The following TBC1D10A variants were observed in gnomAD, a reference collection of about 807,000 sequenced individuals.
TBC1D10A encodes TBC1 domain family member 10A, also known as EBP50-PDX interactor of 64 kDa.
A neutral mutation model predicts 52.9 loss-of-function variants in TBC1D10A; 24 were observed. That is an observed-to-expected ratio of 0.45 (90% CI 0.33 to 0.64). The LOEUF is 0.64. Among genes scored for constraint, TBC1D10A ranks in the 30% least tolerant of loss-of-function variants. TBC1D10A has a pLI of 0.02. For missense variants in TBC1D10A, 602 were observed against 687.9 expected (o/e 0.88, Z 1.40); for synonymous variants, 278 against 282.9 (o/e 0.98, Z 0.17).
Position 30,292,096 on chromosome 22 carries a change from C to T in TBC1D10A, c.*279G>A. 1 of 394,146 alleles carries T rather than the reference C, an allele frequency of 2.5e-6. No individual in the cohort carries two copies. The highest frequency in any genetic ancestry group is 7.4e-5 in the South Asian group (1 of 13,486). The allele number at this position is 394,146 out of a possible 1,614,324, so 24.4% of individuals were successfully genotyped here. A position where few individuals can be genotyped will look rare whatever the true frequency, so the allele number is the denominator to read the frequency against. On this transcript the variant is annotated 3_prime_UTR_variant, in exon 9 of 9. Coordinates refer to ENST00000215790, the MANE Select transcript of TBC1D10A (RefSeq NM_031937.3). ...CAGCACCCTAACCCTGGGGAGCATCCCCCAGGAGGAGGGGGCTGAAGGAGG... is the reference window on the plus strand; with the variant it reads ...CAGCACCCTAACCCTGGGGAGCATCTCCCAGGAGGAGGGGGCTGAAGGAGG...
chr22:30,292,367 T>C lies in TBC1D10A; in HGVS notation c.*8A>G, dbSNP rs1929961441. ...GAGACCCCGCCCTGGAGGCCTTAGC[T>C]GCCAGGGTTACAAGTAGGTGTCCTC... is the stretch of plus-strand genomic sequence containing the variant. On this transcript the variant is annotated 3_prime_UTR_variant, in exon 9 of 9. Coordinates refer to ENST00000215790, the MANE Select transcript of TBC1D10A (RefSeq NM_031937.3). 1 of 1,528,238 alleles carries C rather than the reference T, an allele frequency of 6.5e-7. No homozygotes were observed. Among genetic ancestry groups the C allele is most frequent in the Non-Finnish European group, 8.8e-7 (1 of 1,137,454 alleles). 94.7% of individuals were successfully genotyped at this position (1,528,238 alleles called of 1,614,324 possible). A position where few individuals can be genotyped will look rare whatever the true frequency, so the allele number is the denominator to read the frequency against.
At chr22:30,306,548 A>C (rs550942825) in intron 1 of TBC1D10A, among the ~76,000 whole-genome samples, 3 of 152,212 alleles carry the variant, frequency 2.0e-5, no homozygotes, top group African/African-American at 7.2e-5. Context: ...ACAAACTACC[A>C]TATTTCCTGG....
At chr22:30,294,268 A>C (rs1930025614) in intron 6 of TBC1D10A, among the ~76,000 whole-genome samples, 158 bp from the exon 7 acceptor site, 1 of 152,156 alleles carries the variant, frequency 6.6e-6, no homozygotes, top group Non-Finnish European at 1.5e-5. Context: ...AATGATGAGC[A>C]AAGCGGAGCC....
At position 30,326,904 on chromosome 22, in the gene TBC1D10A, G is replaced by A. The variant is rs780736644; in HGVS notation, c.-23C>T. On this transcript the variant is annotated 5_prime_UTR_variant, in exon 1 of 9. Coordinates refer to ENST00000215790, the MANE Select transcript of TBC1D10A (RefSeq NM_031937.3). ...CATCCCAGCCGCGCCCGCCGCCTGA[G>A]CTCCAGCGGCCACCTCAGCCGCCCT... 3 of 1,453,616 alleles carry A rather than the reference G, an allele frequency of 2.1e-6. No homozygotes were observed. The highest frequency in any genetic ancestry group is 6.0e-5 in the East Asian group (2 of 33,196). 90.0% of individuals were successfully genotyped at this position (1,453,616 alleles called of 1,614,324 possible).
chr22:30,324,843 C>A (rs1930733104), intron 1 of TBC1D10A, among the ~76,000 whole-genome samples: 1 of 152,184 alleles, frequency 6.6e-6, no homozygotes, highest in African/African-American at 2.4e-5. Context: ...ACAAAGCTAG[C>A]AAGTGTAATT....
At chr22:30,311,094 A>C (rs548164283) in intron 1 of TBC1D10A, among the ~76,000 whole-genome samples, 2 of 152,246 alleles carry the variant, frequency 1.3e-5, no homozygotes, top group East Asian at 3.9e-4. Flanking sequence ...GGACAAACAA[A>C]AGGCTGACCT....
intron 6 of TBC1D10A, 68 bp downstream of exon 6, chr22:30,294,728 G>C: frequency 6.2e-7 from 1 of 1,604,936 alleles, no homozygotes; most frequent in Non-Finnish European, 8.5e-7. Flanking sequence ...GTTACTATGA[G>C]AGAAGGGCCT....
At chr22:30,320,852 T>C (rs1930636698) in intron 1 of TBC1D10A, among the ~76,000 whole-genome samples, 1 of 152,234 alleles carries the variant, frequency 6.6e-6, no homozygotes, top group Non-Finnish European at 1.5e-5. Context: ...GGTGAGAAAC[T>C]GAGGCTCAGA....
chr22:30,292,829 T>C lies in TBC1D10A; in HGVS notation c.1073A>G (p.Glu358Gly). The C allele has an allele frequency of 2.5e-6, 4 of 1,611,168 alleles. No homozygotes were observed. Among genetic ancestry groups the C allele is most frequent in the Non-Finnish European group, 3.4e-6 (4 of 1,179,906 alleles). Residue 358 changes from glutamate to glycine, a missense_variant, in exon 9 of 9, where the codon GAG becomes GGG. By Grantham distance (98) the Glu-to-Gly change is moderately conservative. Coordinates refer to ENST00000215790, the MANE Select transcript of TBC1D10A (RefSeq NM_031937.3). ...VQEVVELPVT[E>G]RQIEREHLIQ... ...GAGGTGTTCGCGCTCAATCTGGCGC[T>C]CTGTCACGGGCAACTCCACCACCTG...
Position 30,295,861 on chromosome 22 carries a change from A to G in TBC1D10A, c.418-18T>C. 1 of 1,606,624 alleles carries G rather than the reference A, an allele frequency of 6.2e-7. No homozygotes were observed. The highest frequency in any genetic ancestry group is 1.3e-5 in the African/African-American group (1 of 74,904). On this transcript the variant is annotated intron_variant, in intron 3 of 8. Coordinates refer to ENST00000215790, the MANE Select transcript of TBC1D10A (RefSeq NM_031937.3). ...TCCAGCTCCTAGAAGCAAGGGCACA[A>G]ATTAGGGGCTGGGGAGGATGGAGGT...
chr22:30,303,224 A>G (rs1224240809), intron 2 of TBC1D10A, among the ~76,000 whole-genome samples: 2 of 152,208 alleles, frequency 1.3e-5, no homozygotes, highest in Non-Finnish European at 2.9e-5. Context: ...GGCTGCAGTG[A>G]GCCAAGATCA....
rs1471532118 is a variant in TBC1D10A, at chr22:30,299,512, G to T, written c.349C>A (p.Arg117=). ...GACAGGTACTGCCAAGCACGGCCCC[G>T]CAGAGAAGGCGGGATGCCCTTTTGG... ...RCQKGIPPSL[R]GRAWQYLSGG... Residue 117 remains arginine (R), a synonymous_variant, in exon 3 of 9, where the codon CGG becomes AGG. Coordinates refer to ENST00000215790, the MANE Select transcript of TBC1D10A (RefSeq NM_031937.3). 6.2e-7 allele frequency: 1 copy of T among 1,614,014 alleles called. No homozygotes were observed. Among genetic ancestry groups the T allele is most frequent in the Non-Finnish European group, 8.5e-7 (1 of 1,179,974 alleles).
chr22:30,319,211 T>C (rs1930602088), intron 1 of TBC1D10A, among the ~76,000 whole-genome samples: 1 of 152,204 alleles, frequency 6.6e-6, no homozygotes, highest in African/African-American at 2.4e-5. Context: ...TCTAGGCTCC[T>C]GCAGGTGGGG....
intron 1 of TBC1D10A, among the ~76,000 whole-genome samples, chr22:30,325,071 A>G (rs1302144742): frequency 6.6e-6 from 1 of 152,190 alleles, no homozygotes; most frequent in South Asian, 2.1e-4. Context: ...CTGCTCCTCA[A>G]TTCAAAACAC....
chr22:30,299,584 G>A, intron 2 of TBC1D10A, 33 bp from the exon 3 acceptor site: 1 of 1,606,162 alleles, frequency 6.2e-7, no homozygotes, highest in Non-Finnish European at 8.5e-7. Context: ...AGCCCATGCA[G>A]CCACCCAGGC....
chr22:30,317,268 C>T lies in TBC1D10A; in HGVS notation c.209+9405G>A, dbSNP rs1280387854. On this transcript the variant is annotated intron_variant, in intron 1 of 8. Transcript: ENST00000215790. ...ACTAAAAATGCAAAAATTAGCCGGG[C>T]ATGGTGGTGGGCACCTAAAACCCCA... 5.3e-5 allele frequency among the ~76,000 whole-genome samples: 8 copies of T among 152,088 alleles called. No individual in the cohort carries two copies. The South Asian group carries it at 1.0e-3, about 20-fold the overall frequency.
intron 1 of TBC1D10A, among the ~76,000 whole-genome samples, chr22:30,316,977 T>C (rs1282754484): frequency 6.6e-6 from 1 of 151,736 alleles, no homozygotes; most frequent in Non-Finnish European, 1.5e-5. Flanking sequence ...AGGTTGAGGC[T>C]GCAGTGAGCT....
Position 30,326,822 on chromosome 22 carries a change from C to T in TBC1D10A, c.60G>A (p.Ser20=). 6.8e-7 allele frequency: 1 copy of T among 1,474,982 alleles called. No homozygotes were observed. The highest frequency in any genetic ancestry group is 9.0e-7 in the Non-Finnish European group (1 of 1,116,638). The allele number at this position is 1,474,982 out of a possible 1,614,324, so 91.4% of individuals were successfully genotyped here. A position where few individuals can be genotyped will look rare whatever the true frequency, so the allele number is the denominator to read the frequency against. Residue 20 remains serine, a synonymous_variant, in exon 1 of 9, where the codon TCG becomes TCA. Transcript: ENST00000215790. The stretch of plus-strand genomic sequence containing the variant: ...CCTGGGCCAGGCTCTCCCGGGTTCC[C>T]GACAGGCTTTCCCCGGCCGCGGGCG... ...PRAPAAGESL[S]GTRESLAQGP... is the part of the protein sequence containing the mutation.
intron 1 of TBC1D10A, among the ~76,000 whole-genome samples, chr22:30,321,375 A>C (rs1284696437): frequency 6.6e-6 from 1 of 152,218 alleles, no homozygotes; most frequent in African/African-American, 2.4e-5. Context: ...ACAGCTCAAG[A>C]AAAGTAGATG....
Sources: gnomAD v4.1 joint callset for allele counts (sites outside exome capture counted in the v4.1 genomes callset) on GRCh38, gnomAD v4.1.1 for gene constraint, MANE v1.5 for transcripts, NCBI Gene and HGNC (gene_info 2026-07-23, HGNC 2026-07-21) for gene names.